KLHL32: variants seen among roughly 807,000 people sequenced by gnomAD.
KLHL32 encodes the protein kelch-like protein 32.
A neutral mutation model predicts 64.8 loss-of-function variants in KLHL32; 35 were observed. That is an observed-to-expected ratio of 0.54 (90% confidence interval 0.41 to 0.72). KLHL32 has a LOEUF of 0.72. Ranked by LOEUF, KLHL32 falls within the 30% of genes least tolerant of loss-of-function variation. KLHL32 has a pLI of 0.00. For synonymous variants in KLHL32, 259 were observed against 281.0 expected (o/e 0.92, Z 0.78); for missense variants, 589 against 768.5 (o/e 0.77, Z 2.76).
chr6:97,137,124 A>G (rs931293244), intron 10 of KLHL32, among the ~76,000 whole-genome samples: 1 of 152,200 alleles, frequency 6.6e-6, no homozygotes, highest in Non-Finnish European at 1.5e-5. Flanking sequence ...AATACTAGCC[A>G]AAACCCCACC....
the KLHL32 span, among the ~76,000 whole-genome samples, chr6:96,911,616 A>G: frequency 6.6e-6 from 1 of 151,978 alleles, no homozygotes; most frequent in African/African-American, 2.4e-5. Flanking sequence ...CCCGCCTCCC[A>G]TTTACTCCTC....
At chr6:97,129,152 T>G (rs1166149923) in intron 8 of KLHL32, among the ~76,000 whole-genome samples, 1 of 152,216 alleles carries the variant, frequency 6.6e-6, no homozygotes, top group Non-Finnish European at 1.5e-5. Flanking sequence ...TTTTCTTGAG[T>G]GTATCTTTAA....
intron 3 of KLHL32, among the ~76,000 whole-genome samples, chr6:96,995,691 G>A (rs975468661): frequency 6.6e-6 from 1 of 152,070 alleles, no homozygotes; most frequent in Non-Finnish European, 1.5e-5. Flanking sequence ...GTAACTTCCT[G>A]TTCAGCTCTT....
intron 6 of KLHL32, among the ~76,000 whole-genome samples, chr6:97,098,298 A>G (rs1795259999): frequency 6.6e-6 from 1 of 152,200 alleles, no homozygotes; most frequent in South Asian, 2.1e-4. Flanking sequence ...AGCTATGCAT[A>G]GTGGTCTCAT....
At chr6:97,126,440 GAA>G (rs1456057718) in intron 7 of KLHL32, among the ~76,000 whole-genome samples, 1 of 151,850 alleles carries the variant, frequency 6.6e-6, no homozygotes, top group Non-Finnish European at 1.5e-5. Context: ...CTACAAGTAT[GAA>G]AAGAAGTATG....
intron 1 of KLHL32, among the ~76,000 whole-genome samples, chr6:96,935,878 C>T (rs1402889374): frequency 6.6e-6 from 1 of 152,198 alleles, no homozygotes; most frequent in Non-Finnish European, 1.5e-5. Context: ...TCCATCTCTT[C>T]ACAGTTTCTC....
chr6:97,049,948 C>T (rs1392090648), intron 4 of KLHL32, among the ~76,000 whole-genome samples: 10 of 152,180 alleles, frequency 6.6e-5, no homozygotes. Context: ...GTAGGAGGGC[C>T]TCCCACCTGT....
chr6:97,039,533 AGAAGACAGCCGGGCGCAGTGGT>A (rs1173687383), intron 3 of KLHL32, among the ~76,000 whole-genome samples: 2 of 105,084 alleles, frequency 1.9e-5, no homozygotes, highest in African/African-American at 4.8e-5. Flanking sequence ...GAAAATAGCT[AGAAGACAGCCGGGCGCAGTGGT>A]TCACGCCTGT....
intron 3 of KLHL32, among the ~76,000 whole-genome samples, chr6:96,994,048 T>G (rs1010390826): frequency 6.6e-6 from 1 of 152,236 alleles, no homozygotes; most frequent in African/African-American, 2.4e-5. Flanking sequence ...GATACTACTC[T>G]GTCTTCCAAG....
chr6:97,075,108 A>G (rs1008209182), intron 5 of KLHL32, among the ~76,000 whole-genome samples: 1 of 152,150 alleles, frequency 6.6e-6, no homozygotes, highest in Non-Finnish European at 1.5e-5. Context: ...TATGCATACA[A>G]TTGATTATGA....
intron 1 of KLHL32, among the ~76,000 whole-genome samples, chr6:96,947,439 C>A (rs1772052116): frequency 6.6e-6 from 1 of 152,142 alleles, no homozygotes; most frequent in Admixed American, 6.6e-5. Flanking sequence ...AACATCGATA[C>A]AATTTATTTC....
intron 2 of KLHL32, among the ~76,000 whole-genome samples, chr6:96,969,160 T>C (rs1774834579): frequency 1.3e-5 from 2 of 152,170 alleles, no homozygotes; most frequent in Non-Finnish European, 2.9e-5. Context: ...TTCATGGTCC[T>C]TGGACCCTCA....
the KLHL32 span, among the ~76,000 whole-genome samples, chr6:96,910,795 G>A: frequency 6.6e-6 from 1 of 152,066 alleles, no homozygotes; most frequent in Non-Finnish European, 1.5e-5. Context: ...ATTAGATTTG[G>A]CATGCAGTTT....
At chr6:97,020,645 A>T (rs1028884960) in intron 3 of KLHL32, among the ~76,000 whole-genome samples, 1 of 151,050 alleles carries the variant, frequency 6.6e-6, no homozygotes, top group Non-Finnish European at 1.5e-5. Flanking sequence ...CCATATCTCA[A>T]TATAGATACA....
At chr6:97,084,840 A>G (rs1793142337) in intron 5 of KLHL32, among the ~76,000 whole-genome samples, 1 of 152,154 alleles carries the variant, frequency 6.6e-6, no homozygotes, top group Non-Finnish European at 1.5e-5. Flanking sequence ...TTGCAAAGTA[A>G]CATTTCAGCC....
chr6:96,899,031 A>T, the KLHL32 span, among the ~76,000 whole-genome samples: 2 of 152,222 alleles, frequency 1.3e-5, no homozygotes, highest in African/African-American at 4.8e-5. Context: ...AACCAAAATG[A>T]AGAAAGGGAA....
chr6:97,138,162 GAAGA>G (rs1800253907), intron 10 of KLHL32, among the ~76,000 whole-genome samples: 1 of 152,222 alleles, frequency 6.6e-6, no homozygotes, highest in South Asian at 2.1e-4. Flanking sequence ...CAGCTCTCCT[GAAGA>G]AAGAATTTTC....
At chr6:97,097,211 A>G (rs962550663) in intron 6 of KLHL32, among the ~76,000 whole-genome samples, 15 of 152,172 alleles carry the variant, frequency 9.9e-5, no homozygotes, top group South Asian at 2.1e-4. Context: ...CCTTCCTTTC[A>G]TCTGCTCTGA....
At chr6:96,970,618 C>T (rs1276802522) in intron 2 of KLHL32, among the ~76,000 whole-genome samples, 1 of 152,146 alleles carries the variant, frequency 6.6e-6, no homozygotes, top group Non-Finnish European at 1.5e-5. Flanking sequence ...ATCCCCAGTA[C>T]CCAGCACAAC....
Sources: allele counts gnomAD v4.1 joint callset (sites outside exome capture counted in the v4.1 genomes callset), GRCh38; gene constraint gnomAD v4.1.1; transcripts MANE v1.5; gene names NCBI Gene and HGNC (gene_info 2026-07-23, HGNC 2026-07-21).